MPP2: variants seen among roughly 807,000 people sequenced by gnomAD.
MPP2 encodes MAGUK p55 subfamily member 2.
MPP2 carries 42 observed loss-of-function variants against 58.5 expected under a neutral mutation model. That is an observed-to-expected ratio of 0.72 (90% CI 0.56 to 0.93). MPP2 has a LOEUF of 0.93. Ranked by LOEUF, MPP2 falls within the 40% of genes least tolerant of loss-of-function variation. The pLI, the probability that MPP2 is intolerant of heterozygous loss-of-function variation, is 0.00. For synonymous variants in MPP2, 300 were observed against 307.8 expected (o/e 0.97, Z 0.26); for missense variants, 632 against 760.4 (o/e 0.83, Z 1.99).
In MPP2 at chr17:43,880,712, G is replaced by C; in HGVS notation, c.1129C>G (p.Arg377Gly). The change falls in exon 10 of 13, where the codon CGC becomes GGC. Residue 377 changes from arginine to glycine, a missense_variant. Transcript: ENST00000269095. The surrounding 1 kb of genome is among the most constrained non-coding windows in gnomAD (Gnocchi z 5.2). ...KNKLIMWDPD[R>G]YGTTVPYTSR... ...TCACAGGGCACCGTGGTGCCATAGCGATCTGGATCCCACATGATGAGCTTG... is the reference window on the plus strand; with the variant it reads ...TCACAGGGCACCGTGGTGCCATAGCCATCTGGATCCCACATGATGAGCTTG... The C allele has an allele frequency of 6.2e-7, 1 of 1,612,722 alleles. No homozygotes were observed. Among genetic ancestry groups the C allele is most frequent in the South Asian group, 1.1e-5 (1 of 90,890 alleles).
intron 3 of MPP2, among the ~76,000 whole-genome samples, chr17:43,890,180 C>T (rs1191025560): frequency 6.6e-6 from 1 of 151,910 alleles, no homozygotes; most frequent in Non-Finnish European, 1.5e-5. Context: ...GATTTTTTTT[C>T]ACTTAACATT....
Position 43,879,535 on chromosome 17 carries a change from G to C in MPP2, c.1354-132C>G. 8.5e-7 allele frequency: 1 copy of C among 1,182,612 alleles called. No individual in the cohort carries two copies. The highest frequency in any genetic ancestry group is 1.2e-6 in the Non-Finnish European group (1 of 823,170). 73.3% of individuals were successfully genotyped at this position (1,182,612 alleles called of 1,614,324 possible). On this transcript the variant is annotated intron_variant, in intron 11 of 12. Transcript: ENST00000269095. The surrounding 1 kb of genome is among the most constrained non-coding windows in gnomAD (Gnocchi z 4.1). ...TGAGAAAAGGGTGCCCGGGGGTCTG[G>C]GACATGAGTCCTGGGACAAATGACA... is the stretch of plus-strand genomic sequence containing the variant.
In MPP2 at chr17:43,907,522, C is replaced by A. The variant is rs1305662537; in HGVS notation, c.-82G>T. On this transcript the variant is annotated 5_prime_UTR_variant, in exon 1 of 13. Coordinates refer to ENST00000269095, the MANE Select transcript of MPP2 (RefSeq NM_005374.5). Reference sequence around the variant, plus strand: ...TCCGGGCGGCTCCAGCGCAGCCGGGCGCTCAGCGTTTATTGCTTGTCAATC... The same window carrying A: ...TCCGGGCGGCTCCAGCGCAGCCGGGAGCTCAGCGTTTATTGCTTGTCAATC... The A allele has an allele frequency of 1.0e-6, 1 of 985,518 alleles. No individual in the cohort carries two copies. The highest frequency in any genetic ancestry group is 5.2e-4 in the Middle Eastern group (1 of 1,914). 61.0% of individuals were successfully genotyped at this position (985,518 alleles called of 1,614,324 possible). A position where few individuals can be genotyped will look rare whatever the true frequency, so the allele number is the denominator to read the frequency against.
chr17:43,882,528 G>A lies in MPP2; in HGVS notation c.454-17C>T, dbSNP rs771307371. The A allele has an allele frequency of 5.0e-6, 8 of 1,599,474 alleles. No individual in the cohort carries two copies. The highest frequency in any genetic ancestry group is 3.3e-5 in the South Asian group (3 of 90,934). On this transcript the variant is annotated splice_polypyrimidine_tract_variant and intron_variant, in intron 5 of 12. Coordinates refer to ENST00000269095, the MANE Select transcript of MPP2 (RefSeq NM_005374.5). The stretch of plus-strand genomic sequence containing the variant: ...CGTTACACCCTGGAGGTCAGAGGGA[G>A]TGTAAGATGAGGCCCCAATTGCTCC...
At chr17:43,890,890 G>A (rs545378459) in intron 3 of MPP2, among the ~76,000 whole-genome samples, 5 of 152,290 alleles carry the variant, frequency 3.3e-5, no homozygotes, top group South Asian at 2.1e-4. Flanking sequence ...AGGCCATCCC[G>A]GACCACCCAG....
intron 3 of MPP2, among the ~76,000 whole-genome samples, chr17:43,896,704 C>T (rs769369692): frequency 6.6e-6 from 1 of 152,166 alleles, no homozygotes; most frequent in African/African-American, 2.4e-5. Flanking sequence ...AAATCGGGCA[C>T]CTGACATGGA....
At chr17:43,908,527 G>A (rs1423344428), upstream of MPP2, among the ~76,000 whole-genome samples, 2 of 152,174 alleles carry the variant, frequency 1.3e-5, no homozygotes, top group Non-Finnish European at 2.9e-5. Context: ...TTGAGCCTAG[G>A]AGTTCGAGAC....
At chr17:43,900,557 G>C in intron 2 of MPP2, 1 of 1,544,912 alleles carries the variant, frequency 6.5e-7, no homozygotes, top group Middle Eastern at 1.9e-4. Flanking sequence ...TGCCATGGCG[G>C]CCCCCAGACC....
chr17:43,884,247 T>G lies in MPP2; in HGVS notation c.151-892A>C, dbSNP rs187000475. The G allele has an allele frequency of 1.6e-5, 10 of 615,260 alleles. No homozygotes were observed. The Admixed American group carries it at 2.8e-4, about 17-fold the overall frequency. 38.1% of individuals were successfully genotyped at this position (615,260 alleles called of 1,614,324 possible). A position where few individuals can be genotyped will look rare whatever the true frequency, so the allele number is the denominator to read the frequency against. ...CTTGTCCCAAAAGTATCCTTTATAA[T>G]TTTATTTTTTCTGATTCAGGATCTA... On this transcript the variant is annotated intron_variant, in intron 3 of 12. Coordinates refer to ENST00000269095, the MANE Select transcript of MPP2 (RefSeq NM_005374.5).
At chr17:43,904,590 G>A (rs2048219703) in intron 1 of MPP2, 97 bp from the exon 2 acceptor site, 5 of 1,045,172 alleles carry the variant, frequency 4.8e-6, no homozygotes, top group Non-Finnish European at 7.2e-6. Context: ...CAGAAAGGTA[G>A]GGGAGAAGGT....
intron 2 of MPP2, among the ~76,000 whole-genome samples, chr17:43,903,701 C>T (rs929547925): frequency 1.3e-5 from 2 of 152,192 alleles, no homozygotes; most frequent in Non-Finnish European, 2.9e-5. Context: ...ACAACAACAA[C>T]AACTTGGTGG....
chr17:43,907,716 A>G (rs2048348905), upstream of MPP2: 1 of 985,456 alleles, frequency 1.0e-6, no homozygotes, highest in African/African-American at 1.7e-5. Flanking sequence ...CGCACAGACC[A>G]CGACGCCCTG....
chr17:43,879,882 T>G lies in MPP2; in HGVS notation c.1253A>C (p.Glu418Ala), dbSNP rs1368933721. The G allele has an allele frequency of 5.6e-6, 9 of 1,613,760 alleles. No homozygotes were observed. Among genetic ancestry groups the G allele is most frequent in the Non-Finnish European group, 6.8e-6 (8 of 1,179,964 alleles). The change falls in exon 11 of 13, where the codon GAG becomes GCG. Residue 418 changes from glutamate to alanine, a missense_variant. Transcript: ENST00000269095. The surrounding 1 kb of genome is among the most constrained non-coding windows in gnomAD (Gnocchi z 4.1). ...EADVRAGRYL[E>A]HGEYEGNLYG... ...CAGGTTGCCCTCGTATTCGCCATGC[T>G]CCAGGTAGCGCCCAGCACGGACGTC...
rs1567881926 is a variant in MPP2 at position 43,882,995 on chromosome 17, T to C, written c.361A>G (p.Ser121Gly). The change falls in exon 5 of 13, where the codon AGC (serine) becomes GGC (glycine). Residue 121 changes from serine to glycine, a missense_variant. By Grantham distance (56) the Ser-to-Gly change is moderately conservative (BLOSUM62 0). Coordinates refer to ENST00000269095, the MANE Select transcript of MPP2 (RefSeq NM_005374.5). ...CTGAATGTAGGGTCCAGGCCAGGGC[T>C]GGGGGGTGGTGTCTCATAGGTCTTT... ...ASKTYETPPPSPGLDPTFSNQ... is the reference protein window; with the variant it reads ...ASKTYETPPPGPGLDPTFSNQ... The C allele has an allele frequency of 2.5e-6, 4 of 1,609,844 alleles. No individual in the cohort carries two copies. Among genetic ancestry groups the C allele is most frequent in the African/African-American group, 2.7e-5 (2 of 74,804 alleles).
At chr17:43,906,964 G>A (rs1010805864) in intron 1 of MPP2, among the ~76,000 whole-genome samples, 17 of 150,358 alleles carry the variant, frequency 1.1e-4, no homozygotes, top group Admixed American at 1.0e-3. Context: ...GACCCGCCCC[G>A]CTACAGCTTG....
intron 2 of MPP2, chr17:43,901,280 T>C: frequency 2.0e-6 from 2 of 985,416 alleles, no homozygotes; most frequent in Non-Finnish European, 2.4e-6. Context: ...CCAGCCCTGC[T>C]TACCCCTCGC....
At chr17:43,896,060 C>G (rs1234693286) in intron 3 of MPP2, among the ~76,000 whole-genome samples, 1 of 152,138 alleles carries the variant, frequency 6.6e-6, no homozygotes, top group Non-Finnish European at 1.5e-5. Context: ...GGGACGTGGT[C>G]CTCCACATCC....
rs1417798102 is a variant in MPP2, at chr17:43,881,578, T to C, written c.693A>G (p.Lys231=). The change falls in exon 7 of 13, where the codon AAA becomes AAG. Residue 231 remains lysine, a synonymous_variant. Transcript: ENST00000269095. ...GGGCCGGGTCATAGTCAAAGTGACATTTCACAAATACCTGGGCCCAGGAAT... is the reference window on the plus strand; with the variant it reads ...GGGCCGGGTCATAGTCAAAGTGACACTTCACAAATACCTGGGCCCAGGAAT... ...EPHLPRQVFV[K]CHFDYDPARD... 1 of 1,613,720 alleles carries C rather than the reference T, an allele frequency of 6.2e-7. No homozygotes were observed. The highest frequency in any genetic ancestry group is 1.1e-5 in the South Asian group (1 of 91,060).
chr17:43,880,697 C>A lies in MPP2; in HGVS notation c.1144G>T (p.Val382Leu), dbSNP rs1364667267. The A allele has an allele frequency of 6.2e-7, 1 of 1,609,144 alleles. No homozygotes were observed. Among genetic ancestry groups the A allele is most frequent in the Non-Finnish European group, 8.5e-7 (1 of 1,176,862 alleles). The change falls in exon 10 of 13, where the codon GTG (valine) becomes TTG (leucine). Residue 382 changes from valine (V) to leucine (L), a missense_variant. Val to Leu is a conservative substitution (Grantham distance 32). Transcript: ENST00000269095. This position sits in a 1 kb window ranked among gnomAD's most constrained non-coding sequence, Gnocchi z 5.2. ...MWDPDRYGTT[V>L]PYTSRRPKDS... The stretch of plus-strand genomic sequence containing the variant: ...GGGCCCAGCTCCCACTCACAGGGCA[C>A]CGTGGTGCCATAGCGATCTGGATCC...
Sources: gnomAD v4.1 joint callset for allele counts (sites outside exome capture counted in the v4.1 genomes callset) on GRCh38, gnomAD v4.1.1 for gene constraint, Gnocchi (gnomAD v3.1) non-coding constraint, MANE v1.5 for transcripts, NCBI Gene and HGNC (gene_info 2026-07-23, HGNC 2026-07-21) for gene names.